LRRN2: variants seen among roughly 807,000 people sequenced by gnomAD.
The protein encoded by LRRN2 is leucine rich repeat neuronal 2.
Under a neutral mutation model 35.7 loss-of-function variants are expected in LRRN2, and 10 were observed. The ratio of observed to expected loss-of-function variants is 0.28; its 90% CI spans 0.17 to 0.47. LRRN2 has a LOEUF of 0.47. LRRN2 is among the 20% of genes least tolerant of loss of function. The pLI is 0.99. For synonymous variants in LRRN2, 391 were observed against 409.6 expected, an observed-to-expected ratio of 0.95 and a Z score of 0.55; for missense variants, 731 against 940.3, an observed-to-expected ratio of 0.78 and a Z score of 2.91.
intron 1 of LRRN2, among the ~76,000 whole-genome samples, chr1:204,673,792 C>G (rs190258950): frequency 3.9e-5 from 6 of 152,232 alleles, no homozygotes; most frequent in Admixed American, 2.6e-4. Flanking sequence ...TGGTTCTCCC[C>G]CTCCCTGCTT....
chr1:204,682,137 T>C (rs924457463), intron 1 of LRRN2, among the ~76,000 whole-genome samples: 1 of 152,190 alleles, frequency 6.6e-6, no homozygotes, highest in Non-Finnish European at 1.5e-5. Flanking sequence ...AGATGGGCCA[T>C]AGATCAAGCT....
chr1:204,639,885 A>G (rs1667941451), intron 1 of LRRN2, among the ~76,000 whole-genome samples: 1 of 152,162 alleles, frequency 6.6e-6, no homozygotes, highest in South Asian at 2.1e-4. Flanking sequence ...GCAAGAATCC[A>G]TGCTCTTAAC....
intron 1 of LRRN2, among the ~76,000 whole-genome samples, chr1:204,634,480 T>TG (rs1249845608): frequency 3.9e-5 from 6 of 152,080 alleles, no homozygotes; most frequent in Non-Finnish European, 7.4e-5. Flanking sequence ...GGTCTGAAGA[T>TG]GTAATCATCT....
intron 1 of LRRN2, among the ~76,000 whole-genome samples, chr1:204,655,774 A>T (rs1444433840): frequency 1.3e-5 from 2 of 152,320 alleles, no homozygotes; most frequent in African/African-American, 4.8e-5. Flanking sequence ...TGACAGACTC[A>T]CAAATATGAC....
At chr1:204,643,771 C>T (rs901552599) in intron 1 of LRRN2, among the ~76,000 whole-genome samples, 2 of 152,024 alleles carry the variant, frequency 1.3e-5, no homozygotes, top group Non-Finnish European at 1.5e-5. Flanking sequence ...CCTCCAGAAA[C>T]CCAGGGGCTA....
At chr1:204,677,291 G>A (rs896670047) in intron 1 of LRRN2, among the ~76,000 whole-genome samples, 3 of 152,160 alleles carry the variant, frequency 2.0e-5, no homozygotes, top group African/African-American at 7.2e-5. Flanking sequence ...CAGCGGGTGT[G>A]CCCCCCTTTC....
chr1:204,630,452 A>C (rs1667659818), intron 1 of LRRN2, among the ~76,000 whole-genome samples: 1 of 152,174 alleles, frequency 6.6e-6, no homozygotes, highest in Non-Finnish European at 1.5e-5. Flanking sequence ...ATCAGAATGA[A>C]AATTGATGAG....
In LRRN2 at chr1:204,620,039, C is replaced by A. The variant is rs767689211; in HGVS notation, c.-47G>T. ...ACCATTCACAAGAAGAGTCTGGAGT[C>A]CTGCTCTTTGTGTTTTGCAGGGTAA... On this transcript the variant is annotated 5_prime_UTR_variant, in exon 2 of 2. Transcript: ENST00000367177. The A allele has an allele frequency of 6.4e-7, 1 of 1,562,316 alleles. No homozygotes were observed. The highest frequency in any genetic ancestry group is 1.2e-5 in the South Asian group (1 of 84,160).
chr1:204,618,465 C>T lies in LRRN2; in HGVS notation c.1528G>A (p.Val510Ile), dbSNP rs1666560191. The T allele has an allele frequency of 6.2e-7, 1 of 1,614,080 alleles. No homozygotes were observed. Among genetic ancestry groups the T allele is most frequent in the Non-Finnish European group, 8.5e-7 (1 of 1,180,022 alleles). ...AGAGCACGGCCCACAACCACACTAA[C>T]CGTCTTAGTGTCAGCCCCCACCAGG... ...QNLVGADTKT[V>I]SVVVGRALLQ... The change falls in exon 2 of 2, where the codon GTT becomes ATT. Residue 510 changes from valine to isoleucine, a missense_variant. By Grantham distance (29) the Val-to-Ile change is conservative. This residue lies in a region of LRRN2 where 256 missense variants were observed against 392.4 expected (regional missense o/e 0.65). Transcript: ENST00000367177.
At chr1:204,659,009 C>T (rs1668415147) in intron 1 of LRRN2, among the ~76,000 whole-genome samples, 1 of 152,208 alleles carries the variant, frequency 6.6e-6, no homozygotes. Context: ...TATGACCAAC[C>T]TCAGTCTGAC....
chr1:204,679,335 C>T (rs1018004608), intron 1 of LRRN2, among the ~76,000 whole-genome samples: 1 of 152,238 alleles, frequency 6.6e-6, no homozygotes, highest in Non-Finnish European at 1.5e-5. Flanking sequence ...CCTCTGCCCT[C>T]CCAAGCCAAA....
intron 1 of LRRN2, among the ~76,000 whole-genome samples, chr1:204,641,502 T>C (rs1667976118): frequency 6.6e-6 from 1 of 152,234 alleles, no homozygotes; most frequent in Admixed American, 6.5e-5. Context: ...CTGCCTTGAA[T>C]TTTAATAGGC....
chr1:204,661,735 G>A (rs1330571168), intron 1 of LRRN2, among the ~76,000 whole-genome samples: 1 of 152,186 alleles, frequency 6.6e-6, no homozygotes. Context: ...CCTTGGCAGG[G>A]AGGGTTAGAG....
intron 1 of LRRN2, among the ~76,000 whole-genome samples, chr1:204,676,139 C>CGTGTGT (rs56189865): frequency 0.017 from 2,479 of 148,936 alleles, 80 homozygotes; most frequent in African/African-American, 0.057. Context: ...TACATGGAGC[C>CGTGTGT]GTGTGTGTGT....
chr1:204,655,092 C>T (rs1165444779), intron 1 of LRRN2, among the ~76,000 whole-genome samples: 1 of 152,194 alleles, frequency 6.6e-6, no homozygotes, highest in Non-Finnish European at 1.5e-5. Flanking sequence ...TTCCAAGCTC[C>T]CCCAGGCCTT....
At chr1:204,674,682 C>G (rs547210976) in intron 1 of LRRN2, among the ~76,000 whole-genome samples, 34 of 152,192 alleles carry the variant, frequency 2.2e-4, no homozygotes, top group Non-Finnish European at 4.1e-4. Flanking sequence ...GGGCTGGGTC[C>G]TCTCCTTTCC....
At chr1:204,669,491 T>C (rs1441840903) in intron 1 of LRRN2, among the ~76,000 whole-genome samples, 2 of 152,242 alleles carry the variant, frequency 1.3e-5, no homozygotes, top group East Asian at 3.8e-4. Context: ...ATTTCTCTAA[T>C]AAGCCCTAAC....
At chr1:204,638,721 G>T (rs1667907553) in intron 1 of LRRN2, among the ~76,000 whole-genome samples, 2 of 152,124 alleles carry the variant, frequency 1.3e-5, no homozygotes, top group Non-Finnish European at 2.9e-5. Context: ...GGTCTTCTAA[G>T]TAGTACATAG....
chr1:204,672,791 G>A (rs1297479010), intron 1 of LRRN2, among the ~76,000 whole-genome samples: 1 of 152,118 alleles, frequency 6.6e-6, no homozygotes, highest in African/African-American at 2.4e-5. Flanking sequence ...ATAGTTGGGT[G>A]GTCACCGGCC....
Sources: allele counts gnomAD v4.1 joint callset (sites outside exome capture counted in the v4.1 genomes callset), GRCh38; gene constraint gnomAD v4.1.1; regional missense constraint gnomAD v4.1.1; transcripts MANE v1.5; gene names NCBI Gene and HGNC (gene_info 2026-07-23, HGNC 2026-07-21).